SLC24A2: variants seen among roughly 807,000 people sequenced by gnomAD.
The protein encoded by SLC24A2 is solute carrier family 24 member 2.
In SLC24A2, 36 loss-of-function variants were observed where a neutral mutation model predicts 62.0. The ratio of observed to expected loss-of-function variants is 0.58; its 90% CI spans 0.44 to 0.77. The LOEUF (loss-of-function observed/expected upper bound fraction) is 0.77. Among genes scored for constraint, SLC24A2 ranks in the 30% least tolerant of loss-of-function variants. The pLI is 0.00. For synonymous variants in SLC24A2, 358 were observed against 294.0 expected, an observed-to-expected ratio of 1.22 and a Z score of -2.23; for missense variants, 846 against 817.9, an observed-to-expected ratio of 1.03 and a Z score of -0.42.
the SLC24A2 span, among the ~76,000 whole-genome samples, chr9:20,275,039 A>G: frequency 6.6e-6 from 1 of 152,154 alleles, no homozygotes; most frequent in Non-Finnish European, 1.5e-5. Context: ...AATATACCTG[A>G]GGCCTGGCCA....
At chr9:19,819,058 A>C in the SLC24A2 span, among the ~76,000 whole-genome samples, 8 of 151,826 alleles carry the variant, frequency 5.3e-5, no homozygotes, top group Admixed American at 2.6e-4. Context: ...CTTACAGCCA[A>C]CTGATCTTTG....
At chr9:19,980,838 A>G in the SLC24A2 span, among the ~76,000 whole-genome samples, 2 of 152,192 alleles carry the variant, frequency 1.3e-5, no homozygotes, top group Non-Finnish European at 2.9e-5. Context: ...CTAGCATGTC[A>G]TAAGTGCTTA....
At chr9:19,988,586 G>T in the SLC24A2 span, among the ~76,000 whole-genome samples, 1 of 152,160 alleles carries the variant, frequency 6.6e-6, no homozygotes, top group Non-Finnish European at 1.5e-5. Context: ...CTAAGAATTA[G>T]ACAAGGGAGG....
At chr9:19,999,096 G>T in the SLC24A2 span, among the ~76,000 whole-genome samples, 1 of 152,220 alleles carries the variant, frequency 6.6e-6, no homozygotes, top group South Asian at 2.1e-4. Context: ...TCTGTAAAAT[G>T]AAGATGCTAA....
intron 2 of SLC24A2, among the ~76,000 whole-genome samples, chr9:19,778,758 A>T (rs982064826): frequency 1.3e-5 from 2 of 152,194 alleles, no homozygotes; most frequent in African/African-American, 4.8e-5. Flanking sequence ...TTCCACAGGT[A>T]AAGTCCCAAG....
At chr9:19,699,178 G>A (rs571849448) in intron 2 of SLC24A2, among the ~76,000 whole-genome samples, 6 of 152,238 alleles carry the variant, frequency 3.9e-5, no homozygotes, top group South Asian at 4.1e-4. Context: ...CTGGGTCTCT[G>A]AGTACTGTGT....
At chr9:20,281,083 C>G in the SLC24A2 span, among the ~76,000 whole-genome samples, 2 of 152,210 alleles carry the variant, frequency 1.3e-5, 1 homozygote, top group African/African-American at 4.8e-5. Flanking sequence ...GCATGAGACA[C>G]CATGCCTGGC....
the SLC24A2 span, among the ~76,000 whole-genome samples, chr9:20,207,076 T>G: frequency 1.4e-4 from 21 of 152,178 alleles, no homozygotes; most frequent in Non-Finnish European, 2.5e-4. Context: ...TACCTAGTAT[T>G]TAGTAAATAC....
At chr9:19,859,347 G>C in the SLC24A2 span, among the ~76,000 whole-genome samples, 1 of 152,056 alleles carries the variant, frequency 6.6e-6, no homozygotes, top group African/African-American at 2.4e-5. Flanking sequence ...GATTACTTGA[G>C]GGTGGATGAT....
chr9:20,203,099 G>A, the SLC24A2 span, among the ~76,000 whole-genome samples: 4 of 144,132 alleles, frequency 2.8e-5, no homozygotes, highest in South Asian at 9.5e-4. Flanking sequence ...CCACACTAAA[G>A]TTGGAGAACC....
Position 19,788,031 on chromosome 9 carries a change from A to G in SLC24A2, c.-154+854T>C, listed in dbSNP as rs541588114. Among the ~76,000 whole-genome samples, 45 of 152,230 alleles carry G rather than the reference A, an allele frequency of 3.0e-4. 1 individual carries two copies. Among genetic ancestry groups the G allele is most frequent in the Non-Finnish European group, 5.9e-4 (40 of 68,034 alleles). On this transcript the variant is annotated intron_variant, in intron 1 of 10. Transcript: ENST00000341998. ...AGAGTTCTCTTTTTAGTTTTTCTTT[A>G]AAAAGACTATTCTTTTCCATATCAA...
At chr9:20,014,584 A>G in the SLC24A2 span, among the ~76,000 whole-genome samples, 2 of 151,874 alleles carry the variant, frequency 1.3e-5, no homozygotes, top group Non-Finnish European at 2.9e-5. Context: ...TTGCAACACC[A>G]TGGATTAATT....
intron 2 of SLC24A2, among the ~76,000 whole-genome samples, chr9:19,783,437 C>G (rs184567067): frequency 6.6e-6 from 1 of 152,026 alleles, no homozygotes; most frequent in Non-Finnish European, 1.5e-5. Context: ...TCTTTTTTTC[C>G]TAGATGTTTT....
the SLC24A2 span, among the ~76,000 whole-genome samples, chr9:20,129,247 C>A: frequency 2.6e-5 from 4 of 152,080 alleles, no homozygotes; most frequent in African/African-American, 9.7e-5. Flanking sequence ...AAACGAGATA[C>A]TTCACACCCA....
chr9:19,875,920 G>T, the SLC24A2 span, among the ~76,000 whole-genome samples: 1 of 152,136 alleles, frequency 6.6e-6, no homozygotes, highest in Non-Finnish European at 1.5e-5. Context: ...TTCTCCAGTT[G>T]TGCATGGTAA....
At chr9:20,007,580 T>A in the SLC24A2 span, among the ~76,000 whole-genome samples, 1 of 152,196 alleles carries the variant, frequency 6.6e-6, no homozygotes, top group African/African-American at 2.4e-5. Context: ...TATGAGTATA[T>A]AAAGTAACTA....
chr9:20,061,691 T>C, the SLC24A2 span, among the ~76,000 whole-genome samples: 12 of 152,172 alleles, frequency 7.9e-5, no homozygotes, highest in African/African-American at 2.9e-4. Flanking sequence ...TAATTCAAAA[T>C]GGATCATCAA....
chr9:20,258,306 C>T, the SLC24A2 span, among the ~76,000 whole-genome samples: 2 of 152,166 alleles, frequency 1.3e-5, no homozygotes, highest in Non-Finnish European at 2.9e-5. Flanking sequence ...TGAGCCTATC[C>T]CTCCTCTGTT....
the SLC24A2 span, among the ~76,000 whole-genome samples, chr9:19,951,101 G>T: frequency 1.3e-5 from 2 of 152,132 alleles, no homozygotes; most frequent in South Asian, 4.1e-4. Flanking sequence ...ATGAGTTCCC[G>T]CCAGGAAGTA....
Sources: gnomAD v4.1 joint callset for allele counts (sites outside exome capture counted in the v4.1 genomes callset) on GRCh38, gnomAD v4.1.1 for gene constraint, MANE v1.5 for transcripts, NCBI Gene and HGNC (gene_info 2026-07-23, HGNC 2026-07-21) for gene names.